Variants in FCMR observed in about 807,000 individuals in gnomAD.
The protein encoded by FCMR is immunoglobulin mu Fc receptor.
Under a neutral mutation model 41.6 loss-of-function variants are expected in FCMR, and 34 were observed. The ratio of observed to expected loss-of-function variants is 0.82; its 90% CI spans 0.62 to 1.09. The LOEUF (loss-of-function observed/expected upper bound fraction) is 1.09, where lower values mean the gene tolerates loss of function less well. Ranked by LOEUF, FCMR falls within the 50% of genes least tolerant of loss-of-function variation. The pLI, the probability that FCMR is intolerant of heterozygous loss-of-function variation, is 0.00. For missense variants in FCMR, 496 were observed against 512.5 expected, an observed-to-expected ratio of 0.97 and a Z score of 0.31; for synonymous variants, 209 against 211.8, an observed-to-expected ratio of 0.99 and a Z score of 0.12.
intron 7 of FCMR, among the ~76,000 whole-genome samples, chr1:206,907,101 G>C (rs1678690365): frequency 1.9e-5 from 1 of 53,652 alleles, no homozygotes; most frequent in African/African-American, 1.0e-4. Context: ...GGGGTGGGGG[G>C]GTGGGGGGGG....
rs759853868 is a variant in FCMR at position 206,921,833 on chromosome 1, G to C, written c.22C>G (p.Leu8Val). ...CGGTACTTACCTGGCAGGAAGTAAA[G>C]TGGCCAAAGCCAGAAGTCCATTGTC... MDFWLWP[L>V]YFLPVSGALR... The change falls in exon 1 of 8, where the codon CTT (leucine) becomes GTT (valine). Residue 8 changes from leucine (L) to valine (V), a missense_variant. By Grantham distance (32) the Leu-to-Val change is conservative. Transcript: ENST00000367091. 4 of 1,614,176 alleles carry C rather than the reference G, an allele frequency of 2.5e-6. 1 individual carries two copies. In the Admixed American group the frequency reaches 6.7e-5, roughly 27 times the overall value.
At position 206,913,038 on chromosome 1, in the gene FCMR, G is replaced by A. The variant is rs769328235; in HGVS notation, c.378C>T (p.Tyr126=). Residue 126 remains tyrosine (Y), a synonymous_variant, in exon 3 of 8, where the codon TAC becomes TAT. Transcript: ENST00000367091. ...QKVTLNVHSE[Y]EPSWEEQPMP... Reference sequence around the variant, plus strand: ...TTGGCTGCTCTTCCCATGATGGCTCGTATTCTATTGGAAGGAAGAGGAATA... The same window carrying A: ...TTGGCTGCTCTTCCCATGATGGCTCATATTCTATTGGAAGGAAGAGGAATA... The A allele has an allele frequency of 2.4e-5, 39 of 1,608,136 alleles. No individual in the cohort carries two copies. The highest frequency in any genetic ancestry group is 8.3e-5 in the Admixed American group (5 of 59,968).
chr1:206,904,709 C>T lies in FCMR; in HGVS notation c.*310G>A, dbSNP rs2102535263. 3.0e-6 allele frequency: 1 copy of T among 334,954 alleles called. No individual in the cohort carries two copies. Among genetic ancestry groups the T allele is most frequent in the African/African-American group, 2.1e-5 (1 of 47,364 alleles). 20.7% of individuals were successfully genotyped at this position (334,954 alleles called of 1,614,324 possible). ...GCAGCAACAACCCTGTGGTCAAAGA[C>T]ATGGAAGAAACACTCTGCAAATCCC... On this transcript the variant is annotated 3_prime_UTR_variant, in exon 8 of 8. Coordinates refer to ENST00000367091, the MANE Select transcript of FCMR (RefSeq NM_005449.5).
chr1:206,914,937 C>A (rs771922339), intron 1 of FCMR, among the ~76,000 whole-genome samples: 4 of 152,198 alleles, frequency 2.6e-5, no homozygotes, highest in Non-Finnish European at 5.9e-5. Flanking sequence ...ATCACTCACT[C>A]CAAAGAGACA....
chr1:206,905,274 A>AG (rs1678578339), intron 7 of FCMR, 127 bp from the exon 8 acceptor site: 1 of 1,012,274 alleles, frequency 9.9e-7, no homozygotes, highest in Non-Finnish European at 1.5e-6. Context: ...AAAGACACAG[A>AG]GATGGCTCAG....
At position 206,903,465 on chromosome 1, in the gene FCMR, C is replaced by CT. The variant is rs1480255685; in HGVS notation, c.*1553dup. 17 of 166,012 alleles carry CT rather than the reference C, an allele frequency of 1.0e-4. No individual in the cohort carries two copies. The East Asian group carries it at 2.8e-3, about 27-fold the overall frequency. 10.3% of individuals were successfully genotyped at this position (166,012 alleles called of 1,614,324 possible). A position where few individuals can be genotyped will look rare whatever the true frequency, so the allele number is the denominator to read the frequency against. ...AGTAAGTACTTAATAAACTGTGGTG[C>CT]TTTTTTTGGCCTGTCTTTGGATTGT... is the stretch of plus-strand genomic sequence containing the variant. On this transcript the variant is annotated 3_prime_UTR_variant, in exon 8 of 8. Coordinates refer to ENST00000367091, the MANE Select transcript of FCMR (RefSeq NM_005449.5).
intron 1 of FCMR, among the ~76,000 whole-genome samples, chr1:206,915,700 C>A (rs1022620622): frequency 3.3e-5 from 5 of 151,928 alleles, no homozygotes; most frequent in Non-Finnish European, 7.4e-5. Context: ...GGGCTGGAAG[C>A]CTGAAGTGGG....
At chr1:206,918,959 CA>C (rs1679316270) in intron 1 of FCMR, among the ~76,000 whole-genome samples, 1 of 152,034 alleles carries the variant, frequency 6.6e-6, no homozygotes, top group Non-Finnish European at 1.5e-5. Flanking sequence ...AGTTATAAAT[CA>C]AGCTAATAAA....
chr1:206,910,099 C>T (rs1678861539), intron 5 of FCMR, 111 bp downstream of exon 5: 1 of 1,293,676 alleles, frequency 7.7e-7, no homozygotes, highest in South Asian at 1.6e-5. Context: ...CCCTACACCC[C>T]AGGCTGCTCA....
At chr1:206,916,415 G>T (rs968366798) in intron 1 of FCMR, among the ~76,000 whole-genome samples, 1 of 152,230 alleles carries the variant, frequency 6.6e-6, no homozygotes, top group Admixed American at 6.5e-5. Context: ...GTACACAACG[G>T]GCAGGGGGAA....
intron 2 of FCMR, chr1:206,913,546 C>CT (rs2102562206): frequency 1.7e-6 from 1 of 592,958 alleles, no homozygotes; most frequent in South Asian, 2.1e-5. Flanking sequence ...AAGAGAGCAC[C>CT]TATCTTGTTC....
At chr1:206,914,424 C>CT (rs1351877025) in intron 1 of FCMR, among the ~76,000 whole-genome samples, 2 of 132,344 alleles carry the variant, frequency 1.5e-5, no homozygotes, top group African/African-American at 5.8e-5. Context: ...TCCTTCCTTC[C>CT]TTCCTTTCTT....
chr1:206,917,788 G>A (rs1020250493), intron 1 of FCMR: 11 of 449,544 alleles, frequency 2.4e-5, no homozygotes, highest in Non-Finnish European at 4.4e-5. Context: ...CACCATGTGT[G>A]GCGAATTTTT....
chr1:206,914,345 CCTTCCTTCCTTT>C (rs1190829137), intron 1 of FCMR, among the ~76,000 whole-genome samples: 13 of 65,770 alleles, frequency 2.0e-4, no homozygotes, highest in Non-Finnish European at 3.8e-4. Context: ...TTCCTTCCTT[CCTTCCTTCCTTT>C]CTTTCTTTTT....
At chr1:206,911,233 A>G (rs1231275323) in intron 4 of FCMR, among the ~76,000 whole-genome samples, 3 of 128,614 alleles carry the variant, frequency 2.3e-5, no homozygotes, top group South Asian at 2.2e-4. Flanking sequence ...TTTGATTATT[A>G]TAGGGTTTTT....
intron 7 of FCMR, chr1:206,908,268 C>G: frequency 9.2e-7 from 1 of 1,087,230 alleles, no homozygotes; most frequent in Non-Finnish European, 1.4e-6. Context: ...CTTGGCCTGG[C>G]CTGCCCTTCC....
At chr1:206,914,327 TTCCTTCCTTCC>T (rs1679088386) in intron 1 of FCMR, among the ~76,000 whole-genome samples, 1 of 31,108 alleles carries the variant, frequency 3.2e-5, no homozygotes, top group Non-Finnish European at 5.7e-5. Context: ...CCTTCCTTCC[TTCCTTCCTTCC>T]TTCCTTCCTT....
chr1:206,913,629 A>G, intron 2 of FCMR, 130 bp downstream of exon 2: 2 of 706,562 alleles, frequency 2.8e-6, no homozygotes, highest in Non-Finnish European at 4.8e-6. Context: ...TATGGATCTC[A>G]ATCATTATGT....
intron 1 of FCMR, among the ~76,000 whole-genome samples, chr1:206,915,403 T>C (rs1679147046): frequency 6.6e-6 from 1 of 152,084 alleles, no homozygotes; most frequent in African/African-American, 2.4e-5. Flanking sequence ...ATGCTCATCA[T>C]GGAGGCAGGG....
Sources: gnomAD v4.1 joint callset for allele counts (sites outside exome capture counted in the v4.1 genomes callset) on GRCh38, gnomAD v4.1.1 for gene constraint, MANE v1.5 for transcripts, NCBI Gene and HGNC (gene_info 2026-07-23, HGNC 2026-07-21) for gene names.